Variants in MAP4K5 observed in about 807,000 individuals in gnomAD.
The protein encoded by MAP4K5 is mitogen-activated protein kinase kinase kinase kinase 5.
In MAP4K5, 82 loss-of-function variants were observed where a neutral mutation model predicts 135.6. The observed-to-expected ratio is 0.60, with a 90% CI of 0.51 to 0.73. MAP4K5 has a LOEUF of 0.73. Ranked by LOEUF, MAP4K5 falls within the 30% of genes least tolerant of loss-of-function variation. MAP4K5 has a pLI of 0.00. For missense variants in MAP4K5, 907 were observed against 1,010.9 expected (o/e 0.90, Z 1.39); for synonymous variants, 347 against 335.0 (o/e 1.04, Z -0.39).
intron 32 of MAP4K5, among the ~76,000 whole-genome samples, chr14:50,421,993 G>A (rs183023346): frequency 5.9e-5 from 9 of 151,872 alleles, no homozygotes; most frequent in Non-Finnish European, 1.3e-4. Flanking sequence ...CTGGGTTCAA[G>A]CAATTCTCCT....
intron 2 of MAP4K5, among the ~76,000 whole-genome samples, chr14:50,525,555 C>T (rs181245047): frequency 5.2e-4 from 79 of 152,202 alleles, no homozygotes; most frequent in African/African-American, 1.6e-3. Context: ...TTCTCTAGTC[C>T]GGGCACAGTG....
intron 9 of MAP4K5, chr14:50,471,743 G>A (rs2036968012): frequency 6.6e-6 from 1 of 152,128 alleles, no homozygotes; most frequent in Admixed American, 6.5e-5. Context: ...TCTTTTACAT[G>A]TAAGAAATAT....
chr14:50,434,788 T>C (rs999755330), intron 27 of MAP4K5, among the ~76,000 whole-genome samples, 174 bp downstream of exon 27: 1 of 152,200 alleles, frequency 6.6e-6, no homozygotes, highest in Non-Finnish European at 1.5e-5. Context: ...TGGAAGTTTA[T>C]TATCAGTTAA....
chr14:50,446,235 A>T, intron 16 of MAP4K5, 114 bp from the exon 17 acceptor site: 1 of 611,794 alleles, frequency 1.6e-6, no homozygotes, highest in South Asian at 2.4e-5. Flanking sequence ...TAAAAGACAG[A>T]TCACGATGCA....
rs201501326 is a variant in MAP4K5, at chr14:50,428,676, C to T, written c.2312G>A (p.Arg771His). ...AGGAAACTTACCTACAGATTCAATG[C>T]GAAAATCAAAACTTAACTCAGAGGC... ...KLASELSFDF[R>H]IESVVCLQDS... The change falls in exon 30 of 33, where the codon CGC becomes CAC. Residue 771 changes from arginine to histidine, a missense_variant. Arg to His is a conservative substitution (Grantham distance 29). This residue lies in a region of MAP4K5 where 690 missense variants were observed against 777.4 expected (regional missense o/e 0.89). Transcript: ENST00000682126. 77 of 1,510,926 alleles carry T rather than the reference C, an allele frequency of 5.1e-5. No homozygotes were observed. The highest frequency in any genetic ancestry group is 3.4e-4 in the East Asian group (14 of 41,602). The allele number at this position is 1,510,926 out of a possible 1,614,324, so 93.6% of individuals were successfully genotyped here.
chr14:50,498,467 T>C (rs2037640239), intron 3 of MAP4K5, among the ~76,000 whole-genome samples: 1 of 152,238 alleles, frequency 6.6e-6, no homozygotes, highest in Non-Finnish European at 1.5e-5. Flanking sequence ...TGACTTCATT[T>C]TCTTTTACAA....
rs141749812 is a variant in MAP4K5 at position 50,421,838 on chromosome 14, A to G, written c.2453+1283T>C. Among the ~76,000 whole-genome samples the G allele has an allele frequency of 1.7e-3, 252 of 150,720 alleles. 4 individuals are homozygous for G. Among genetic ancestry groups the G allele is most frequent in the African/African-American group, 5.1e-3 (208 of 40,926 alleles). ...ACCCTCTACCAAGCTGAATTCTCTCACACTTGGTTTCATTAAAGGATTATC... is the reference window on the plus strand; with the variant it reads ...ACCCTCTACCAAGCTGAATTCTCTCGCACTTGGTTTCATTAAAGGATTATC... On this transcript the variant is annotated intron_variant, in intron 32 of 32. Coordinates refer to ENST00000682126, the MANE Select transcript of MAP4K5 (RefSeq NM_006575.6).
chr14:50,477,051 C>CTGAA (rs1326467331), intron 6 of MAP4K5, among the ~76,000 whole-genome samples: 1 of 152,170 alleles, frequency 6.6e-6, no homozygotes, highest in African/African-American at 2.4e-5. Flanking sequence ...TGGGGTTGCA[C>CTGAA]TGAATCTACA....
intron 3 of MAP4K5, among the ~76,000 whole-genome samples, chr14:50,488,876 A>G (rs2037423697): frequency 6.6e-6 from 1 of 152,212 alleles, no homozygotes. Flanking sequence ...AGAGAGTAAA[A>G]TCTTCTGTGA....
At chr14:50,492,095 C>G (rs1197924530) in intron 3 of MAP4K5, among the ~76,000 whole-genome samples, 1 of 152,118 alleles carries the variant, frequency 6.6e-6, no homozygotes, top group Non-Finnish European at 1.5e-5. Context: ...CTTTTTATGT[C>G]TACTGTATTT....
intron 6 of MAP4K5, among the ~76,000 whole-genome samples, chr14:50,478,276 G>A (rs1380274559): frequency 2.6e-4 from 10 of 38,678 alleles, no homozygotes. Flanking sequence ...CTTATCACTT[G>A]TTTCTTCTCT....
At chr14:50,527,547 G>A (rs1327692531) in intron 2 of MAP4K5, among the ~76,000 whole-genome samples, 4 of 151,950 alleles carry the variant, frequency 2.6e-5, no homozygotes, top group Non-Finnish European at 2.9e-5. Flanking sequence ...TGGAAATACT[G>A]ATTTAAAAAC....
Position 50,539,643 on chromosome 14 carries a change from A to G in MAP4K5, c.-94+2856T>C, listed in dbSNP as rs576502934. On this transcript the variant is annotated intron_variant, in intron 2 of 8. Transcript: ENST00000555216. Reference sequence around the variant, plus strand: ...AGATATGAATGAGGCTTAGAACTTTAAACATGAGTTAGAAGAAAGAGTTTC... The same window carrying G: ...AGATATGAATGAGGCTTAGAACTTTGAACATGAGTTAGAAGAAAGAGTTTC... Among the ~76,000 whole-genome samples the G allele has an allele frequency of 3.3e-5, 5 of 152,348 alleles. No homozygotes were observed. In the East Asian group the frequency reaches 9.6e-4, roughly 29 times the overall value.
chr14:50,431,245 T>G (rs1311283893), intron 28 of MAP4K5, among the ~76,000 whole-genome samples: 5 of 151,344 alleles, frequency 3.3e-5, no homozygotes, highest in Non-Finnish European at 5.9e-5. Flanking sequence ...TTTTATCTTT[T>G]TTATTTATTT....
Position 50,420,061 on chromosome 14 carries a change from G to T in MAP4K5, c.2499C>A (p.His833Gln), listed in dbSNP as rs2035689816. ...GTCCAGCCAAGATGTAGAGATTGCT[G>T]TGTGCAGTAGGATTTTCTGTTGGCC... ...ESRPTENPTA[H>Q]SNLYILAGHE... The change falls in exon 33 of 33, where the codon CAC (histidine) becomes CAA (glutamine). Residue 833 changes from histidine to glutamine, a missense_variant. This residue lies in a region of MAP4K5 where 690 missense variants were observed against 777.4 expected (regional missense o/e 0.89). Transcript: ENST00000682126. 3 of 1,611,036 alleles carry T rather than the reference G, an allele frequency of 1.9e-6. No individual in the cohort carries two copies. The highest frequency in any genetic ancestry group is 2.5e-6 in the Non-Finnish European group (3 of 1,178,488).
chr14:50,466,305 C>T (rs1274346376), intron 11 of MAP4K5, among the ~76,000 whole-genome samples: 2 of 149,684 alleles, frequency 1.3e-5, no homozygotes, highest in Non-Finnish European at 3.0e-5. Flanking sequence ...TCTCTTGAGC[C>T]CAGGAGTTTG....
chr14:50,490,097 G>A (rs1482820859), intron 3 of MAP4K5, among the ~76,000 whole-genome samples: 1 of 146,950 alleles, frequency 6.8e-6, no homozygotes, highest in Non-Finnish European at 1.5e-5. Flanking sequence ...GTGAGAGAGA[G>A]AGACAGACAG....
chr14:50,515,190 T>C (rs1314370160), intron 2 of MAP4K5, among the ~76,000 whole-genome samples: 1 of 152,084 alleles, frequency 6.6e-6, no homozygotes, highest in Non-Finnish European at 1.5e-5. Context: ...GCGTGAGCCA[T>C]TGTGCCTAGC....
At chr14:50,482,129 T>C (rs1433915596) in intron 6 of MAP4K5, among the ~76,000 whole-genome samples, 1 of 152,242 alleles carries the variant, frequency 6.6e-6, no homozygotes, top group Non-Finnish European at 1.5e-5. Flanking sequence ...ATATGATCAC[T>C]GTATATGTCG....
Sources: gnomAD v4.1 joint callset for allele counts (sites outside exome capture counted in the v4.1 genomes callset) on GRCh38, gnomAD v4.1.1 for gene constraint, gnomAD v4.1.1 regional missense constraint, MANE v1.5 for transcripts, NCBI Gene and HGNC (gene_info 2026-07-23, HGNC 2026-07-21) for gene names.